PABIR3: variants seen among roughly 807,000 people sequenced by gnomAD.
PABIR3 encodes PABIR family member 3, also known as PABIR family member 1.
Under a neutral mutation model 23.1 loss-of-function variants are expected in PABIR3, and 20 were observed. The observed-to-expected ratio is 0.86, with a 90% CI of 0.61 to 1.26. PABIR3 has a LOEUF of 1.26. Among genes scored for constraint, PABIR3 ranks in the 50% most tolerant of loss-of-function variants. The pLI, the probability that PABIR3 is intolerant of heterozygous loss-of-function variation, is 0.00. For synonymous variants in PABIR3, 69 were observed against 68.5 expected, an observed-to-expected ratio of 1.01 and a Z score of -0.04; for missense variants, 189 against 195.4, an observed-to-expected ratio of 0.97 and a Z score of 0.20.
At chrX:134,818,159 T>C (rs1489904009) in intron 3 of PABIR3, among the ~76,000 whole-genome samples, 1 of 110,907 alleles carries the variant, frequency 9.0e-6, no homozygotes, top group Non-Finnish European at 1.9e-5. Flanking sequence ...GGAGGATGAG[T>C]TTAGCTTTGT....
In PABIR3 at chrX:134,809,906, CA is replaced by C. The variant is rs1227007523; in HGVS notation, c.110+2207del. The C allele has an allele frequency of 8.4e-5, 62 of 739,587 alleles. No individual in the cohort carries two copies. The South Asian group carries it at 3.6e-3, about 42-fold the overall frequency. 61.0% of individuals were successfully genotyped at this position (739,587 alleles called of 1,213,427 possible). On this transcript the variant is annotated intron_variant, in intron 2 of 10. Coordinates refer to ENST00000645433, the MANE Select transcript of PABIR3 (RefSeq NM_001388447.1). ...AAATGAAAAGCAAACTAAGATTGACCAAAAAAAAATACATTACCTTTTTAAA... is the reference window on the plus strand; with the variant it reads ...AAATGAAAAGCAAACTAAGATTGACCAAAAAAAATACATTACCTTTTTAAA...
chrX:134,825,089 A>T (rs2081447222), intron 3 of PABIR3, among the ~76,000 whole-genome samples: 1 of 111,596 alleles, frequency 9.0e-6, no homozygotes, highest in Admixed American at 9.6e-5. Flanking sequence ...GGAGGGGGGT[A>T]TGTGGGAACT....
intron 3 of PABIR3, chrX:134,822,704 T>C (rs1399945052): frequency 7.4e-6 from 5 of 680,065 alleles, no homozygotes; most frequent in Non-Finnish European, 8.7e-6. Context: ...TTCTCACTTA[T>C]AAGTCGGAGC....
At chrX:134,842,044 T>C (rs1378589555) in intron 4 of PABIR3, among the ~76,000 whole-genome samples, 4 of 110,834 alleles carry the variant, frequency 3.6e-5, no homozygotes, top group African/African-American at 6.6e-5. Flanking sequence ...AAGTGGCATC[T>C]CATTGTGGTT....
At chrX:134,847,584 T>A in intron 7 of PABIR3, 109 bp downstream of exon 7, 1 of 543,764 alleles carries the variant, frequency 1.8e-6, no homozygotes, top group East Asian at 3.4e-5. Context: ...TTTGTCACAG[T>A]ACATCTGATT....
At chrX:134,845,167 T>A in intron 4 of PABIR3, 38 bp from the exon 5 acceptor site, 3 of 1,086,105 alleles carry the variant, frequency 2.8e-6, no homozygotes, top group Non-Finnish European at 3.8e-6. Context: ...CCATAGGAAC[T>A]GGGTATTCAG....
upstream of PABIR3, chrX:134,804,154 C>G (rs1456439420): frequency 1.0e-5 from 11 of 1,072,985 alleles, no homozygotes; most frequent in Non-Finnish European, 8.7e-6. Context: ...GAGGAGTAGC[C>G]TAATTGTCAA....
chrX:134,804,513 A>C (rs1355673711), upstream of PABIR3, among the ~76,000 whole-genome samples: 1 of 111,496 alleles, frequency 9.0e-6, no homozygotes, highest in African/African-American at 3.3e-5. Context: ...TAGTTATTTC[A>C]TATTACTCCT....
intron 8 of PABIR3, among the ~76,000 whole-genome samples, 189 bp from the exon 9 acceptor site, chrX:134,848,978 C>T (rs761328923): frequency 1.8e-5 from 2 of 111,252 alleles, no homozygotes; most frequent in East Asian, 2.8e-4. Context: ...ACTCCAGCCT[C>T]GGTGACAAGA....
At chrX:134,821,506 G>T in intron 3 of PABIR3, 2 of 1,152,134 alleles carry the variant, frequency 1.7e-6, no homozygotes, top group Non-Finnish European at 2.3e-6. Flanking sequence ...ATGTCACTGC[G>T]TCACTTCTCC....
Position 134,807,324 on chromosome X carries a change from T to C in PABIR3, c.-77T>C. 2.1e-6 allele frequency: 2 copies of C among 945,139 alleles called. No homozygotes were observed. The highest frequency in any genetic ancestry group is 2.6e-6 in the Non-Finnish European group (2 of 760,033). The allele number at this position is 945,139 out of a possible 1,213,427, so 77.9% of individuals were successfully genotyped here. A position where few individuals can be genotyped will look rare whatever the true frequency, so the allele number is the denominator to read the frequency against. ...GCGGTGACAGATTAAATTCCCCAGT[T>C]ACATTATAGACTTGGAGGTGGGGGA... On this transcript the variant is annotated 5_prime_UTR_variant, in exon 1 of 11. Transcript: ENST00000645433.
intron 3 of PABIR3, among the ~76,000 whole-genome samples, chrX:134,819,031 G>T (rs1171724536): frequency 9.6e-6 from 1 of 104,370 alleles, no homozygotes; most frequent in Non-Finnish European, 2.0e-5. Context: ...TCGCCTCCTG[G>T]GTTCAAGCGA....
intron 3 of PABIR3, among the ~76,000 whole-genome samples, chrX:134,828,047 C>CTCTCTCTCTCTCTA (rs1466733144): frequency 4.0e-5 from 2 of 49,420 alleles, no homozygotes; most frequent in African/African-American, 1.6e-4. Context: ...CTCTCTCTCT[C>CTCTCTCTCTCTCTA]TATATATATA....
intron 4 of PABIR3, chrX:134,835,437 C>G (rs1208996406): frequency 9.0e-6 from 1 of 111,031 alleles, no homozygotes; most frequent in Non-Finnish European, 1.9e-5. Context: ...GAACACACAG[C>G]TCCAAGTCAA....
intron 9 of PABIR3, among the ~76,000 whole-genome samples, chrX:134,849,782 G>A (rs906952537): frequency 1.8e-5 from 2 of 108,391 alleles, no homozygotes; most frequent in Admixed American, 1.0e-4. Context: ...AAGAATAAAA[G>A]GGCAGTGGAA....
chrX:134,864,320 C>T, the PABIR3 span, among the ~76,000 whole-genome samples: 12 of 111,416 alleles, frequency 1.1e-4, no homozygotes, highest in East Asian at 5.6e-4. Context: ...CCATTGTACC[C>T]GGCCTTATGC....
upstream of PABIR3, among the ~76,000 whole-genome samples, chrX:134,806,058 C>A (rs192364540): frequency 4.5e-3 from 507 of 112,022 alleles, 4 homozygotes; most frequent in African/African-American, 0.016. Flanking sequence ...GTTAAGATTT[C>A]AGTACTCAGT....
At chrX:134,856,190 T>TA (rs1475370281), downstream of PABIR3, among the ~76,000 whole-genome samples, 1 of 105,292 alleles carries the variant, frequency 9.5e-6, no homozygotes. Context: ...ATTCAGTTAT[T>TA]TTTTTTTTTT....
chrX:134,829,892 A>G (rs1336759349), intron 4 of PABIR3, among the ~76,000 whole-genome samples: 1 of 112,190 alleles, frequency 8.9e-6, no homozygotes, highest in African/African-American at 3.2e-5. Flanking sequence ...CAGAACTCAA[A>G]AGATCAAATC....
Sources: allele counts gnomAD v4.1 joint callset (sites outside exome capture counted in the v4.1 genomes callset), GRCh38; gene constraint gnomAD v4.1.1; transcripts MANE v1.5; gene names NCBI Gene and HGNC (gene_info 2026-07-23, HGNC 2026-07-21).